Variants in CLIC4 observed in about 807,000 individuals in gnomAD.
CLIC4 encodes CLIC family member 4.
Under a neutral mutation model 24.6 loss-of-function variants are expected in CLIC4, and 13 were observed. That is an observed-to-expected ratio of 0.53 (90% CI 0.34 to 0.84). CLIC4 has a LOEUF of 0.84. Ranked by LOEUF, CLIC4 falls within the 40% of genes least tolerant of loss-of-function variation. The pLI is 0.01. For synonymous variants in CLIC4, 104 were observed against 111.3 expected (o/e 0.93, Z 0.41); for missense variants, 227 against 301.7 (o/e 0.75, Z 1.83).
intron 1 of CLIC4, among the ~76,000 whole-genome samples, chr1:24,779,640 A>G (rs1027448847): frequency 2.6e-5 from 4 of 152,090 alleles, no homozygotes; most frequent in African/African-American, 9.7e-5. Context: ...TTCCCTTTCC[A>G]TCCTCTAGCA....
At chr1:24,779,050 C>T (rs887677605) in intron 1 of CLIC4, among the ~76,000 whole-genome samples, 2 of 151,870 alleles carry the variant, frequency 1.3e-5, no homozygotes, top group South Asian at 2.1e-4. Context: ...CATTTTGGCA[C>T]TGATTAGAGA....
At chr1:24,780,043 C>T (rs1639184749) in intron 1 of CLIC4, among the ~76,000 whole-genome samples, 1 of 152,206 alleles carries the variant, frequency 6.6e-6, no homozygotes, top group Non-Finnish European at 1.5e-5. Context: ...CCCCTTTCCC[C>T]TCCCACCAGT....
intron 1 of CLIC4, among the ~76,000 whole-genome samples, chr1:24,754,932 C>T (rs559505614): frequency 3.3e-5 from 5 of 151,604 alleles, no homozygotes; most frequent in South Asian, 2.1e-4. Context: ...ATTAGCTGGG[C>T]GTGGTGGTGG....
intron 3 of CLIC4, among the ~76,000 whole-genome samples, chr1:24,815,792 C>A (rs116173270): frequency 4.0e-4 from 61 of 152,268 alleles, no homozygotes; most frequent in African/African-American, 1.3e-3. Flanking sequence ...CTCAAGAGGT[C>A]CTGAGAACAT....
intron 1 of CLIC4, among the ~76,000 whole-genome samples, chr1:24,760,870 A>G (rs1307320079): frequency 6.6e-6 from 1 of 152,060 alleles, no homozygotes; most frequent in Non-Finnish European, 1.5e-5. Flanking sequence ...AGGGGGTGCT[A>G]TTTTCAGTTT....
At chr1:24,805,086 C>CAA (rs757976140) in intron 2 of CLIC4, among the ~76,000 whole-genome samples, 12,296 of 46,258 alleles carry the variant, frequency 0.27, 1,605 homozygotes, top group East Asian at 0.49. Flanking sequence ...GACTCCATGT[C>CAA]AAAAAAAAAA....
chr1:24,785,376 T>C (rs369470223), intron 1 of CLIC4, among the ~76,000 whole-genome samples: 1 of 152,300 alleles, frequency 6.6e-6, no homozygotes, highest in African/African-American at 2.4e-5. Flanking sequence ...GTAAGTCAAG[T>C]TTCACAGATG....
rs546079635 is a variant in CLIC4, at chr1:24,775,484, C to T, written c.73-22258C>T. On this transcript the variant is annotated intron_variant, in intron 1 of 5. Coordinates refer to ENST00000374379, the MANE Select transcript of CLIC4 (RefSeq NM_013943.3). ...TTCTGTTCTTCAAATTGAATAATTT[C>T]TTGGTTCTGTCTTTATGTTCACAGA... 2.0e-5 allele frequency among the ~76,000 whole-genome samples: 3 copies of T among 151,020 alleles called. No individual in the cohort carries two copies. In the South Asian group the frequency reaches 6.3e-4, roughly 31 times the overall value.
intron 1 of CLIC4, among the ~76,000 whole-genome samples, chr1:24,750,206 C>T (rs1049785471): frequency 6.6e-6 from 1 of 152,138 alleles, no homozygotes; most frequent in Non-Finnish European, 1.5e-5. Context: ...GATCATGTAC[C>T]TGCACTCCAA....
chr1:24,799,544 TCTGGGAAGTGAGGAGCGTCTCCGCC>T (rs1557805820), intron 2 of CLIC4, among the ~76,000 whole-genome samples: 15 of 148,790 alleles, frequency 1.0e-4, no homozygotes, highest in Admixed American at 4.0e-4. Context: ...AGCCCCCCCA[TCTGGGAAGTGAGGAGCGTCTCCGCC>T]CGGCCAGCCG....
At chr1:24,766,473 GTTTTTTTT>G (rs71032855) in intron 1 of CLIC4, among the ~76,000 whole-genome samples, 4 of 62,074 alleles carry the variant, frequency 6.4e-5, no homozygotes, top group East Asian at 3.5e-4. Context: ...TGCCCAGACG[GTTTTTTTT>G]TTTTTTTTTT....
chr1:24,786,043 A>G (rs1461132121), intron 1 of CLIC4, among the ~76,000 whole-genome samples: 1 of 152,162 alleles, frequency 6.6e-6, no homozygotes, highest in East Asian at 1.9e-4. Context: ...ATGAGGTATT[A>G]AAGTTTTAAA....
chr1:24,755,730 A>C (rs955051529), intron 1 of CLIC4, among the ~76,000 whole-genome samples: 1 of 152,138 alleles, frequency 6.6e-6, no homozygotes, highest in Non-Finnish European at 1.5e-5. Flanking sequence ...CCAGGATAAT[A>C]TGTTAGTCTA....
chr1:24,748,144 G>C (rs1434205097), intron 1 of CLIC4, among the ~76,000 whole-genome samples: 1 of 152,134 alleles, frequency 6.6e-6, no homozygotes, highest in African/African-American at 2.4e-5. Flanking sequence ...ATTAGGAAGA[G>C]ATCAGTGATT....
rs1331499221 is a variant in CLIC4 at position 24,777,283 on chromosome 1, C to T, written c.73-20459C>T. 2.6e-5 allele frequency among the ~76,000 whole-genome samples: 4 copies of T among 152,162 alleles called. No homozygotes were observed. In the South Asian group the frequency reaches 6.2e-4, roughly 24 times the overall value. ...GTTTCAGGCCAGGCACGGTGGCTCA[C>T]GCCTATAATGCTAGCACTTTGGGAG... On this transcript the variant is annotated intron_variant, in intron 1 of 5. Coordinates refer to ENST00000374379, the MANE Select transcript of CLIC4 (RefSeq NM_013943.3).
intron 1 of CLIC4, among the ~76,000 whole-genome samples, chr1:24,789,526 T>C (rs1639309349): frequency 6.6e-6 from 1 of 152,010 alleles, no homozygotes; most frequent in South Asian, 2.1e-4. Context: ...TCAAAACAAA[T>C]AAACAAACAA....
At chr1:24,790,272 A>C (rs906944190) in intron 1 of CLIC4, among the ~76,000 whole-genome samples, 2 of 152,110 alleles carry the variant, frequency 1.3e-5, no homozygotes, top group African/African-American at 4.8e-5. Context: ...GGGTTTCACC[A>C]TGTTGGCCAG....
chr1:24,774,599 C>T (rs970015971), intron 1 of CLIC4, among the ~76,000 whole-genome samples: 2 of 151,758 alleles, frequency 1.3e-5, no homozygotes, highest in African/African-American at 4.8e-5. Context: ...TCGAGACCAT[C>T]TTGGGCAACC....
chr1:24,753,142 G>T (rs555575896), intron 1 of CLIC4, among the ~76,000 whole-genome samples: 1 of 152,078 alleles, frequency 6.6e-6, no homozygotes, highest in Non-Finnish European at 1.5e-5. Context: ...CTAAACCAAG[G>T]CTAAGAACCA....
Sources: gnomAD v4.1 joint callset for allele counts (sites outside exome capture counted in the v4.1 genomes callset) on GRCh38, gnomAD v4.1.1 for gene constraint, MANE v1.5 for transcripts, NCBI Gene and HGNC (gene_info 2026-07-23, HGNC 2026-07-21) for gene names.